The following BANK1 variants were observed in gnomAD, a reference collection of about 807,000 sequenced individuals.
BANK1 encodes the protein B cell scaffold protein with ankyrin repeats 1, also known as B-cell scaffold protein with ankyrin repeats.
In BANK1, 95 loss-of-function variants were observed where a neutral mutation model predicts 94.5. That is an observed-to-expected ratio of 1.00 (90% CI 0.85 to 1.19). The LOEUF (loss-of-function observed/expected upper bound fraction) is 1.19. Among genes scored for constraint, BANK1 ranks in the 50% most tolerant of loss-of-function variants. The probability of loss-of-function intolerance (pLI) is 0.00; values close to 1 mark genes in which losing one functional copy is unlikely to be tolerated. For missense variants in BANK1, 987 were observed against 932.2 expected (o/e 1.06, Z -0.77); for synonymous variants, 334 against 308.4 (o/e 1.08, Z -0.87).
chr4:101,940,726 A>G (rs1392723008), intron 7 of BANK1, among the ~76,000 whole-genome samples: 1 of 151,776 alleles, frequency 6.6e-6, no homozygotes. Flanking sequence ...GAGGAGAAAG[A>G]CCATGGAGGT....
intron 3 of BANK1, among the ~76,000 whole-genome samples, chr4:101,858,649 T>C (rs1727765924): frequency 6.6e-6 from 1 of 152,192 alleles, no homozygotes; most frequent in Non-Finnish European, 1.5e-5. Context: ...ACTGCTGCTA[T>C]CCTGATGTTA....
chr4:101,894,972 A>C (rs1055952228), intron 5 of BANK1, among the ~76,000 whole-genome samples: 1 of 151,836 alleles, frequency 6.6e-6, no homozygotes, highest in Non-Finnish European at 1.5e-5. Context: ...TATTGAAACA[A>C]ATTTCATGGT....
At chr4:101,969,871 T>G (rs1724895907) in intron 7 of BANK1, among the ~76,000 whole-genome samples, 1 of 152,108 alleles carries the variant, frequency 6.6e-6, no homozygotes, top group Non-Finnish European at 1.5e-5. Flanking sequence ...TCAAATAAAA[T>G]TAATATAATC....
intron 11 of BANK1, among the ~76,000 whole-genome samples, chr4:102,045,651 GACAA>G (rs1393874852): frequency 1.3e-5 from 2 of 151,924 alleles, no homozygotes; most frequent in African/African-American, 2.4e-5. Flanking sequence ...ACCAACATCA[GACAA>G]ACAGAGAGCC....
chr4:101,888,385 C>A (rs1728931945), intron 5 of BANK1, among the ~76,000 whole-genome samples: 1 of 152,210 alleles, frequency 6.6e-6, no homozygotes, highest in Non-Finnish European at 1.5e-5. Flanking sequence ...GTAGCCCCCT[C>A]TCCCAGTACC....
At chr4:101,909,656 A>G (rs1337555025) in intron 6 of BANK1, among the ~76,000 whole-genome samples, 1 of 152,192 alleles carries the variant, frequency 6.6e-6, no homozygotes, top group Non-Finnish European at 1.5e-5. Flanking sequence ...TAGGGCCATT[A>G]TGAACATGTT....
At chr4:101,921,797 A>G (rs897806607) in intron 7 of BANK1, among the ~76,000 whole-genome samples, 14 of 151,796 alleles carry the variant, frequency 9.2e-5, no homozygotes, top group African/African-American at 2.4e-4. Context: ...AATTTTCTTC[A>G]TGAATATAAT....
chr4:101,819,695 A>G (rs1198031768), intron 1 of BANK1, among the ~76,000 whole-genome samples: 1 of 152,160 alleles, frequency 6.6e-6, no homozygotes, highest in Admixed American at 6.5e-5. Context: ...ATCGACATCA[A>G]AAGTTCAGTT....
At chr4:101,799,805 C>T (rs1246441729) in intron 1 of BANK1, among the ~76,000 whole-genome samples, 5 of 152,008 alleles carry the variant, frequency 3.3e-5, no homozygotes, top group African/African-American at 4.8e-5. Context: ...ACCTGGGAGG[C>T]GGAGCTTGCA....
intron 2 of BANK1, among the ~76,000 whole-genome samples, chr4:101,849,881 A>G (rs1462420505): frequency 6.6e-6 from 1 of 152,200 alleles, no homozygotes; most frequent in Admixed American, 6.5e-5. Context: ...TTCCTAGGTT[A>G]ATTCTATCTG....
chr4:101,904,839 A>C (rs892507239), intron 6 of BANK1, among the ~76,000 whole-genome samples: 28 of 152,340 alleles, frequency 1.8e-4, no homozygotes, highest in African/African-American at 6.3e-4. Flanking sequence ...AACTATGTTA[A>C]ATTGAGTGGG....
At chr4:102,060,526 A>G in intron 12 of BANK1, 137 bp downstream of exon 12, 1 of 953,044 alleles carries the variant, frequency 1.0e-6, no homozygotes, top group Non-Finnish European at 1.5e-6. Context: ...ACTTCAAGAA[A>G]TCAAATAATG....
In BANK1 at chr4:101,870,529, T is replaced by C. The variant is rs751728659; in HGVS notation, c.788T>C (p.Val263Ala). ...ALEFPAGSVHVNVYCDGIVKA... is the reference protein window; with the variant it reads ...ALEFPAGSVHANVYCDGIVKA... ...GAGTTTCCTGCTGGTTCAGTCCATG[T>C]CAATGTCTACTGTGATGGAATCGTT... The change falls in exon 5 of 17, where the codon GTC becomes GCC. Residue 263 changes from valine (V) to alanine (A), a missense_variant. Coordinates refer to ENST00000322953, the MANE Select transcript of BANK1 (RefSeq NM_017935.5). 1 of 1,612,534 alleles carries C rather than the reference T, an allele frequency of 6.2e-7. No homozygotes were observed. Among genetic ancestry groups the C allele is most frequent in the Non-Finnish European group, 8.5e-7 (1 of 1,179,096 alleles).
At chr4:102,002,587 A>T (rs1036001212) in intron 7 of BANK1, among the ~76,000 whole-genome samples, 4 of 151,204 alleles carry the variant, frequency 2.6e-5, no homozygotes, top group African/African-American at 9.7e-5. Flanking sequence ...ACACACACAC[A>T]CATATATATA....
chr4:101,910,326 G>C (rs1026542872), intron 6 of BANK1, among the ~76,000 whole-genome samples: 1 of 152,072 alleles, frequency 6.6e-6, no homozygotes. Context: ...AACTAAAATT[G>C]ACATATATCA....
intron 5 of BANK1, among the ~76,000 whole-genome samples, chr4:101,886,663 C>T (rs781403688): frequency 3.3e-5 from 5 of 151,208 alleles, no homozygotes; most frequent in Admixed American, 6.6e-5. Flanking sequence ...TTGTCTCTTA[C>T]ATTATGAATG....
chr4:101,946,230 GATA>G (rs1375660975), intron 7 of BANK1, among the ~76,000 whole-genome samples: 1 of 151,928 alleles, frequency 6.6e-6, no homozygotes, highest in Non-Finnish European at 1.5e-5. Flanking sequence ...TATGCGATGA[GATA>G]ATATTTAAAA....
intron 2 of BANK1, among the ~76,000 whole-genome samples, chr4:101,849,885 C>T (rs1727407927): frequency 6.6e-6 from 1 of 152,148 alleles, no homozygotes; most frequent in Non-Finnish European, 1.5e-5. Context: ...TAGGTTAATT[C>T]TATCTGCTTT....
intron 2 of BANK1, among the ~76,000 whole-genome samples, chr4:101,841,198 A>C (rs963698115): frequency 6.6e-6 from 1 of 152,180 alleles, no homozygotes; most frequent in Non-Finnish European, 1.5e-5. Context: ...ATTGTAAAAA[A>C]AAATCTGAAT....
Sources: gnomAD v4.1 joint callset for allele counts (sites outside exome capture counted in the v4.1 genomes callset) on GRCh38, gnomAD v4.1.1 for gene constraint, MANE v1.5 for transcripts, NCBI Gene and HGNC (gene_info 2026-07-23, HGNC 2026-07-21) for gene names.